SFT2D1: variants seen among roughly 807,000 people sequenced by gnomAD.
SFT2D1 encodes vesicle transport protein SFT2A.
A neutral mutation model predicts 28.1 loss-of-function variants in SFT2D1; 24 were observed. That is an observed-to-expected ratio of 0.85 (90% CI 0.62 to 1.20). SFT2D1 has a LOEUF of 1.20. SFT2D1 is among the 50% of genes most tolerant of loss of function. SFT2D1 has a pLI of 0.00. For missense variants in SFT2D1, 181 were observed against 190.9 expected, an observed-to-expected ratio of 0.95 and a Z score of 0.31; for synonymous variants, 82 against 73.7, an observed-to-expected ratio of 1.11 and a Z score of -0.58.
At chr6:166,331,240 T>C (rs1461873436) in intron 1 of SFT2D1, 2 of 152,514 alleles carry the variant, frequency 1.3e-5, no homozygotes, top group Non-Finnish European at 2.9e-5. Flanking sequence ...ACAGCAAGGA[T>C]TTATATTCCA....
intron 1 of SFT2D1, chr6:166,335,507 G>A (rs1482966449): frequency 2.8e-5 from 14 of 491,604 alleles, no homozygotes; most frequent in East Asian, 1.5e-4. Context: ...AGGTGGCTAC[G>A]GTGGTTCCAG....
At chr6:166,322,669 G>A (rs1409802135) in intron 7 of SFT2D1, among the ~76,000 whole-genome samples, 188 bp downstream of exon 7, 2 of 121,220 alleles carry the variant, frequency 1.6e-5, no homozygotes, top group Admixed American at 1.1e-4. Flanking sequence ...CCAGCCTGGC[G>A]ACACAGTGAG....
At position 166,333,017 on chromosome 6, in the gene SFT2D1, C is replaced by T. The variant is rs1419280919; in HGVS notation, c.64-2770G>A. On this transcript the variant is annotated intron_variant, in intron 1 of 7. Coordinates refer to ENST00000361731, the MANE Select transcript of SFT2D1 (RefSeq NM_145169.3). ...CACAGCTGGAAGGACCTGAGCCTTG[C>T]CCCTGGGCTTCTGCCATCTAAACAT... Among the ~76,000 whole-genome samples, 9 of 152,184 alleles carry T rather than the reference C, an allele frequency of 5.9e-5. No homozygotes were observed. The South Asian group carries it at 8.3e-4, about 14-fold the overall frequency.
chr6:166,322,714 AT>A, intron 7 of SFT2D1, 142 bp downstream of exon 7: 1 of 572,852 alleles, frequency 1.7e-6, no homozygotes, highest in Non-Finnish European at 3.0e-6. Context: ...AAAAAAAAGT[AT>A]GTTTATTTCC....
In SFT2D1 at chr6:166,328,338, G is replaced by T; in HGVS notation, c.253C>A (p.Pro85Thr). ...AACATTTTCTTCAGTTGCTTCACAG[G>T]TCCCATTAAAAAGCATGTACTATTT... is the stretch of plus-strand genomic sequence containing the variant. ...ALASTCFLMG[P>T]VKQLKKMFEA... Residue 85 changes from proline to threonine, a missense_variant, in exon 4 of 8, where the codon CCT becomes ACT. Pro to Thr is a conservative substitution (Grantham distance 38). Transcript: ENST00000361731. The T allele has an allele frequency of 1.3e-6, 2 of 1,587,188 alleles. No homozygotes were observed. Among genetic ancestry groups the T allele is most frequent in the South Asian group, 1.2e-5 (1 of 86,282 alleles).
intron 4 of SFT2D1, among the ~76,000 whole-genome samples, chr6:166,326,785 G>T (rs373469538): frequency 2.6e-5 from 4 of 152,194 alleles, no homozygotes; most frequent in African/African-American, 9.7e-5. Context: ...ATGTTCAAAC[G>T]TTCCCACGTT....
intron 1 of SFT2D1, among the ~76,000 whole-genome samples, chr6:166,339,481 T>C (rs1778733876): frequency 1.3e-5 from 2 of 152,134 alleles, no homozygotes; most frequent in African/African-American, 4.8e-5. Context: ...ACTGCATCCT[T>C]CAACTACCAC....
At chr6:166,324,693 G>A in intron 5 of SFT2D1, 98 bp from the exon 6 acceptor site, 1 of 1,072,530 alleles carries the variant, frequency 9.3e-7, no homozygotes, top group Non-Finnish European at 1.3e-6. Context: ...TGTAGATGAT[G>A]GCTTCATTTA....
chr6:166,327,700 C>T (rs558414932), intron 4 of SFT2D1, among the ~76,000 whole-genome samples: 10 of 152,270 alleles, frequency 6.6e-5, no homozygotes, highest in African/African-American at 1.4e-4. Flanking sequence ...CATTTAAATA[C>T]GCAGCTACAC....
chr6:166,340,216 A>T lies in SFT2D1; in HGVS notation c.63+2203T>A, dbSNP rs556892106. 3.3e-5 allele frequency among the ~76,000 whole-genome samples: 5 copies of T among 152,266 alleles called. No individual in the cohort carries two copies. The East Asian group carries it at 9.7e-4, about 29-fold the overall frequency. ...TCTATCACTGATTTGAGCCACAGTC[A>T]TCTCTTGCCAGGACAACTGTACTTG... On this transcript the variant is annotated intron_variant, in intron 1 of 7. Coordinates refer to ENST00000361731, the MANE Select transcript of SFT2D1 (RefSeq NM_145169.3).
chr6:166,321,947 G>A (rs746338065), intron 7 of SFT2D1, among the ~76,000 whole-genome samples: 17 of 152,152 alleles, frequency 1.1e-4, no homozygotes, highest in Non-Finnish European at 2.2e-4. Flanking sequence ...GCAGTGGCAC[G>A]ATCTTGGCTC....
intron 1 of SFT2D1, among the ~76,000 whole-genome samples, chr6:166,342,218 T>C (rs1301124233): frequency 1.3e-5 from 2 of 151,198 alleles, no homozygotes; most frequent in East Asian, 2.0e-4. Context: ...GGCCTCAAAG[T>C]GGGTTTAAGT....
intron 1 of SFT2D1, among the ~76,000 whole-genome samples, chr6:166,331,185 A>T (rs551427519): frequency 1.9e-4 from 29 of 152,330 alleles, no homozygotes; most frequent in African/African-American, 6.5e-4. Flanking sequence ...AAATAAGGCT[A>T]AAAAAGTATC....
chr6:166,327,427 A>AT (rs1010330129), intron 4 of SFT2D1, among the ~76,000 whole-genome samples: 24 of 152,344 alleles, frequency 1.6e-4, no homozygotes, highest in African/African-American at 5.5e-4. Flanking sequence ...GCTCAAGATA[A>AT]TAAGAGTGAT....
chr6:166,329,653 G>T, intron 2 of SFT2D1, 64 bp from the exon 3 acceptor site: 1 of 1,287,654 alleles, frequency 7.8e-7, no homozygotes, highest in Non-Finnish European at 1.1e-6. Flanking sequence ...AAATATAAAC[G>T]TGCTACTGCA....
intron 4 of SFT2D1, among the ~76,000 whole-genome samples, chr6:166,327,789 C>T (rs1778475326): frequency 6.6e-6 from 1 of 151,834 alleles, no homozygotes; most frequent in Admixed American, 6.5e-5. Flanking sequence ...ACTCTATAAC[C>T]ACATAGGATA....
Position 166,320,073 on chromosome 6 carries a change from T to C in SFT2D1, c.*144A>G, listed in dbSNP as rs112061792. 309 of 656,766 alleles carry C rather than the reference T, an allele frequency of 4.7e-4. 1 individual carries two copies. The African/African-American group carries it at 5.3e-3, about 11-fold the overall frequency. The allele number at this position is 656,766 out of a possible 1,614,324, so 40.7% of individuals were successfully genotyped here. On this transcript the variant is annotated 3_prime_UTR_variant, in exon 8 of 8. Transcript: ENST00000361731. The stretch of plus-strand genomic sequence containing the variant: ...ATGGTTTAATCAAGCATGTAGTTTT[T>C]ACCAGTATACAAAATGAGACTTAGT...
intron 1 of SFT2D1, chr6:166,335,331 G>C (rs750922830): frequency 1.7e-6 from 1 of 577,796 alleles, no homozygotes; most frequent in Non-Finnish European, 3.3e-6. Context: ...GGTAATGATG[G>C]AATCAATTCT....
chr6:166,337,910 C>T (rs544731156), intron 1 of SFT2D1, among the ~76,000 whole-genome samples: 27 of 152,138 alleles, frequency 1.8e-4, no homozygotes, highest in African/African-American at 6.3e-4. Flanking sequence ...GGGATGGAGT[C>T]CTCATGAATG....
Sources: gnomAD v4.1 joint callset for allele counts (sites outside exome capture counted in the v4.1 genomes callset) on GRCh38, gnomAD v4.1.1 for gene constraint, MANE v1.5 for transcripts, NCBI Gene and HGNC (gene_info 2026-07-23, HGNC 2026-07-21) for gene names.